The following CLVS1 variants were observed in gnomAD, a reference collection of about 807,000 sequenced individuals.
CLVS1 encodes the protein clavesin 1.
In CLVS1, 10 loss-of-function variants were observed where a neutral mutation model predicts 33.1. That is an observed-to-expected ratio of 0.30 (90% confidence interval 0.19 to 0.51). The LOEUF (loss-of-function observed/expected upper bound fraction) is 0.51. Among genes scored for constraint, CLVS1 ranks in the 20% least tolerant of loss-of-function variants. The pLI, the probability that CLVS1 is intolerant of heterozygous loss-of-function variation, is 0.97. For synonymous variants in CLVS1, 163 were observed against 166.1 expected (o/e 0.98, Z 0.14); for missense variants, 343 against 433.4 (o/e 0.79, Z 1.85).
chr8:61,122,721 A>T (rs759628599), intron 1 of CLVS1, among the ~76,000 whole-genome samples: 5 of 152,172 alleles, frequency 3.3e-5, no homozygotes, highest in Non-Finnish European at 7.3e-5. Flanking sequence ...AGGAGGCTGC[A>T]ACTGCCCAGG....
the CLVS1 span, among the ~76,000 whole-genome samples, chr8:60,968,991 G>A: frequency 4.0e-5 from 6 of 151,764 alleles, no homozygotes; most frequent in Non-Finnish European, 8.8e-5. Context: ...TAATGCATGT[G>A]TTCTGAACAA....
At position 61,088,585 on chromosome 8, in the gene CLVS1, A is replaced by G. The variant is rs187892108; in HGVS notation, c.-243+31355A>G. Among the ~76,000 whole-genome samples the G allele has an allele frequency of 4.6e-5, 7 of 152,018 alleles. No individual in the cohort carries two copies. In the East Asian group the frequency reaches 1.4e-3, roughly 29 times the overall value. On this transcript the variant is annotated intron_variant, in intron 1 of 2. Transcript: ENST00000522621. ...TTTCTGTTATATGCCACAGTGCTTTAAACATTTTTAAAAGGGCATGTATGC... is the reference window on the plus strand; with the variant it reads ...TTTCTGTTATATGCCACAGTGCTTTGAACATTTTTAAAAGGGCATGTATGC...
intron 2 of CLVS1, among the ~76,000 whole-genome samples, chr8:61,194,065 G>A (rs147081888): frequency 1.3e-5 from 2 of 151,534 alleles, no homozygotes; most frequent in Admixed American, 6.6e-5. Flanking sequence ...GAGAAAGAGG[G>A]TATTCATTTC....
At chr8:61,273,222 A>G (rs1809484075) in intron 2 of CLVS1, among the ~76,000 whole-genome samples, 1 of 151,470 alleles carries the variant, frequency 6.6e-6, no homozygotes, top group South Asian at 2.1e-4. Context: ...CAGGACCCTC[A>G]GCTGCAGGTC....
At chr8:61,214,497 A>G (rs2978533) in intron 2 of CLVS1, among the ~76,000 whole-genome samples, 96,401 of 152,058 alleles carry the variant, frequency 0.63, 33,057 homozygotes, top group East Asian at 0.97. Context: ...CAGGTTCCCC[A>G]ATAGACATAG....
At chr8:61,256,058 T>C (rs1266693520) in intron 2 of CLVS1, among the ~76,000 whole-genome samples, 1 of 152,134 alleles carries the variant, frequency 6.6e-6, no homozygotes, top group East Asian at 1.9e-4. Context: ...CTACCATCTG[T>C]CTCCAGAGCT....
At chr8:61,002,701 C>T in the CLVS1 span, among the ~76,000 whole-genome samples, 2 of 152,130 alleles carry the variant, frequency 1.3e-5, no homozygotes, top group African/African-American at 2.4e-5. Context: ...TTGTGAGCCC[C>T]CTATACTTAC....
At chr8:61,180,226 A>G (rs1323512697) in intron 2 of CLVS1, among the ~76,000 whole-genome samples, 2 of 152,226 alleles carry the variant, frequency 1.3e-5, no homozygotes, top group Non-Finnish European at 1.5e-5. Context: ...ATGCAAATAA[A>G]CTAGAAAATC....
Position 61,203,161 on chromosome 8 carries a change from G to T in CLVS1, c.-152+71301G>T. 5 of 1,149,984 alleles carry T rather than the reference G, an allele frequency of 4.3e-6. No homozygotes were observed. In the South Asian group the frequency reaches 6.1e-5, roughly 14 times the overall value. 71.2% of individuals were successfully genotyped at this position (1,149,984 alleles called of 1,614,324 possible). On this transcript the variant is annotated intron_variant, in intron 2 of 2. Coordinates refer to the CLVS1 transcript ENST00000522621. Reference sequence around the variant, plus strand: ...AAGCCAAGTTCATCAATTACGTGAAGAATTGCTTCCGGATGACTGACCAAG... The same window carrying T: ...AAGCCAAGTTCATCAATTACGTGAATAATTGCTTCCGGATGACTGACCAAG...
chr8:61,250,101 G>A (rs574008917), intron 2 of CLVS1, among the ~76,000 whole-genome samples: 1 of 152,242 alleles, frequency 6.6e-6, no homozygotes, highest in South Asian at 2.1e-4. Flanking sequence ...TGTATAAGGT[G>A]TAAGGAAAGG....
intron 5 of CLVS1, among the ~76,000 whole-genome samples, chr8:61,479,691 G>GT (rs1203155902): frequency 6.6e-6 from 1 of 152,094 alleles, no homozygotes; most frequent in Non-Finnish European, 1.5e-5. Flanking sequence ...TTTCTGCTCT[G>GT]TTTTTTCCCC....
intron 2 of CLVS1, among the ~76,000 whole-genome samples, chr8:61,276,039 C>T (rs776973756): frequency 3.3e-5 from 5 of 152,194 alleles, no homozygotes; most frequent in South Asian, 2.1e-4. Context: ...AAAAAGGTTT[C>T]GTTTGTGAAA....
the CLVS1 span, among the ~76,000 whole-genome samples, chr8:61,024,471 C>T: frequency 2.6e-5 from 4 of 152,186 alleles, no homozygotes; most frequent in Non-Finnish European, 5.9e-5. Context: ...GAAGTTTGCT[C>T]ACATTTTCAA....
chr8:61,019,430 C>T, the CLVS1 span, among the ~76,000 whole-genome samples: 1 of 152,186 alleles, frequency 6.6e-6, no homozygotes, highest in African/African-American at 2.4e-5. Context: ...AGGAGACCTA[C>T]TTCTCATCCA....
At chr8:61,317,693 T>G (rs1157898765) in intron 2 of CLVS1, among the ~76,000 whole-genome samples, 1 of 152,196 alleles carries the variant, frequency 6.6e-6, no homozygotes, top group African/African-American at 2.4e-5. Flanking sequence ...ATTTCTATAT[T>G]TTACATGTTA....
chr8:61,233,714 T>C (rs555093953), intron 2 of CLVS1, among the ~76,000 whole-genome samples: 27 of 152,318 alleles, frequency 1.8e-4, no homozygotes, highest in Middle Eastern at 3.4e-3. Context: ...CCTGCCCTCC[T>C]GGCTGGGAAA....
At chr8:61,309,512 C>T (rs535312388) in intron 2 of CLVS1, among the ~76,000 whole-genome samples, 24 of 152,238 alleles carry the variant, frequency 1.6e-4, no homozygotes, top group Admixed American at 5.9e-4. Flanking sequence ...CTTTCCTTCA[C>T]GATTGTGAAC....
At chr8:61,040,376 G>A in the CLVS1 span, among the ~76,000 whole-genome samples, 1 of 152,208 alleles carries the variant, frequency 6.6e-6, no homozygotes, top group Non-Finnish European at 1.5e-5. Flanking sequence ...GGGTTGAATG[G>A]TAGTTCTGTT....
chr8:61,245,509 A>G (rs1195069037), intron 2 of CLVS1, among the ~76,000 whole-genome samples: 6 of 152,008 alleles, frequency 3.9e-5, no homozygotes, highest in South Asian at 2.1e-4. Flanking sequence ...TAAGAAGCAT[A>G]TAGTTGTATT....
Sources: allele counts gnomAD v4.1 joint callset (sites outside exome capture counted in the v4.1 genomes callset), GRCh38; gene constraint gnomAD v4.1.1; transcripts MANE v1.5; gene names NCBI Gene and HGNC (gene_info 2026-07-23, HGNC 2026-07-21).